The following C20orf96 variants were observed in gnomAD, a reference collection of about 807,000 sequenced individuals.
C20orf96 encodes the protein uncharacterized protein C20orf96.
In C20orf96, 57 loss-of-function variants were observed where a neutral mutation model predicts 52.6. The observed-to-expected ratio is 1.08, with a 90% CI of 0.88 to 1.35. The LOEUF (loss-of-function observed/expected upper bound fraction) is 1.35. Ranked by LOEUF, C20orf96 falls within the 40% of genes most tolerant of loss-of-function variation. The pLI, the probability that C20orf96 is intolerant of heterozygous loss-of-function variation, is 0.00. For missense variants in C20orf96, 478 were observed against 443.6 expected (o/e 1.08, Z -0.70); for synonymous variants, 168 against 157.2 (o/e 1.07, Z -0.51).
chr20:278,293 AG>A (rs1384371545), intron 6 of C20orf96, 36 bp downstream of exon 6: 4 of 1,494,716 alleles, frequency 2.7e-6, no homozygotes, highest in Non-Finnish European at 2.8e-6. Context: ...CCAAGGTGCC[AG>A]GGGGGAGGGT....
chr20:277,068 T>TTTC lies in C20orf96; in HGVS notation c.798_800dup (p.Lys268dup), dbSNP rs760062648. On this transcript the variant is annotated inframe_insertion, in exon 8 of 11. Transcript: ENST00000360321. ...CCGCCACCACAGAACTCAGAATTTT[T>TTTC]TTCTTCTTCTTCTGAATCTTGTCAG... 6.2e-7 allele frequency: 1 copy of TTTC among 1,613,490 alleles called. No individual in the cohort carries two copies. The highest frequency in any genetic ancestry group is 1.1e-5 in the South Asian group (1 of 91,044).
intron 10 of C20orf96, among the ~76,000 whole-genome samples, chr20:271,916 G>A (rs1160552376): frequency 6.6e-6 from 1 of 152,168 alleles, no homozygotes; most frequent in Non-Finnish European, 1.5e-5. Flanking sequence ...CCCCATTGCA[G>A]GGACCAGCAC....
intron 4 of C20orf96, among the ~76,000 whole-genome samples, chr20:281,282 A>G (rs886404574): frequency 2.0e-5 from 3 of 152,156 alleles, no homozygotes; most frequent in African/African-American, 4.8e-5. Flanking sequence ...TGAGCCCAGG[A>G]GTTTACGGCT....
At chr20:290,544 G>A (rs1223848555) in intron 1 of C20orf96, 47 bp downstream of exon 1, 1 of 1,591,624 alleles carries the variant, frequency 6.3e-7, no homozygotes, top group Admixed American at 1.7e-5. Context: ...GTACGCATGC[G>A]TATTCCGCCT....
At chr20:290,203 G>T in intron 2 of C20orf96, 56 bp downstream of exon 2, 1 of 1,362,330 alleles carries the variant, frequency 7.3e-7, no homozygotes, top group Non-Finnish European at 1.0e-6. Context: ...GTGGAGAGCA[G>T]GTGGACTGCA....
At position 290,703 on chromosome 20, in the gene C20orf96, T is replaced by A. The variant is rs2012525077; in HGVS notation, c.-93A>T. 2 of 1,529,490 alleles carry A rather than the reference T, an allele frequency of 1.3e-6. No homozygotes were observed. Among genetic ancestry groups the A allele is most frequent in the East Asian group, 4.5e-5 (2 of 43,982 alleles). 94.7% of individuals were successfully genotyped at this position (1,529,490 alleles called of 1,614,324 possible). A position where few individuals can be genotyped will look rare whatever the true frequency, so the allele number is the denominator to read the frequency against. On this transcript the variant is annotated 5_prime_UTR_variant, in exon 1 of 11. Coordinates refer to ENST00000360321, the MANE Select transcript of C20orf96 (RefSeq NM_153269.3). ...TCCAACTTCCTTGTCTCAGTGTAGA[T>A]CGCGCGGTAACCCAGGCCACTCAGA...
Position 283,991 on chromosome 20 carries a change from T to C in C20orf96, c.278A>G (p.Lys93Arg), listed in dbSNP as rs773918581. ...CATTAACCAGATTTTGGCATGCATC[T>C]TCCCAGGGTCCAACTTCCGCCTTCT... Reference protein sequence around the residue: ...LHRRRKLDPGKMHAKIWLMKT... With the variant: ...LHRRRKLDPGRMHAKIWLMKT... Residue 93 changes from lysine (K) to arginine (R), a missense_variant, in exon 4 of 11, where the codon AAG becomes AGG. By Grantham distance (26) the Lys-to-Arg change is conservative. Transcript: ENST00000360321. 3 of 1,614,016 alleles carry C rather than the reference T, an allele frequency of 1.9e-6. No individual in the cohort carries two copies. Among genetic ancestry groups the C allele is most frequent in the Admixed American group, 3.3e-5 (2 of 60,012 alleles).
chr20:279,334 C>A lies in C20orf96; in HGVS notation c.307-4G>T, dbSNP rs752249032. The A allele has an allele frequency of 6.3e-7, 1 of 1,594,706 alleles. No individual in the cohort carries two copies. Among genetic ancestry groups the A allele is most frequent in the Non-Finnish European group, 8.5e-7 (1 of 1,175,372 alleles). Reference sequence around the variant, plus strand: ...CCCTCCCGCTCCTGAGCGAGGTCTGCGGGCGGAGGGAAGAGCAGAGAGGCG... The same window carrying A: ...CCCTCCCGCTCCTGAGCGAGGTCTGAGGGCGGAGGGAAGAGCAGAGAGGCG... On this transcript the variant is annotated splice_polypyrimidine_tract_variant and splice_region_variant and intron_variant, in intron 4 of 10. Transcript: ENST00000360321.
chr20:282,776 G>A (rs149361484), intron 4 of C20orf96, among the ~76,000 whole-genome samples: 2,195 of 152,208 alleles, frequency 0.014, 38 homozygotes, highest in African/African-American at 0.048. Context: ...GGAGGCTGAG[G>A]CAGGAGACTC....
At chr20:277,491 G>C (rs2012070905) in intron 6 of C20orf96, 108 bp from the exon 7 acceptor site, 1 of 1,164,742 alleles carries the variant, frequency 8.6e-7, no homozygotes, top group Non-Finnish European at 1.2e-6. Flanking sequence ...AGTAACTGGG[G>C]TCTGGGCTGA....
intron 9 of C20orf96, chr20:276,338 G>A: frequency 1.0e-6 from 1 of 985,350 alleles, no homozygotes; most frequent in Middle Eastern, 5.2e-4. Flanking sequence ...AAAGTGGCGG[G>A]GAATGCTCAA....
chr20:282,006 T>C (rs1600188861), intron 4 of C20orf96, among the ~76,000 whole-genome samples: 2 of 152,154 alleles, frequency 1.3e-5, no homozygotes, highest in African/African-American at 4.8e-5. Context: ...ATTCAGTAAC[T>C]TATTCAAGGT....
intron 4 of C20orf96, among the ~76,000 whole-genome samples, chr20:283,422 G>A (rs1055318664): frequency 6.6e-6 from 1 of 151,940 alleles, no homozygotes; most frequent in African/African-American, 2.4e-5. Context: ...TCCTGCCTCA[G>A]CCTCCCGAGT....
chr20:284,597 T>C (rs60474486), intron 3 of C20orf96, among the ~76,000 whole-genome samples: 71,296 of 152,206 alleles, frequency 0.47, 17,037 homozygotes, highest in African/African-American at 0.56. Context: ...GGCTCACGCC[T>C]GTAATCTCAA....
chr20:275,833 G>A, intron 10 of C20orf96, 135 bp downstream of exon 10: 1 of 809,860 alleles, frequency 1.2e-6, no homozygotes, highest in South Asian at 1.5e-5. Context: ...GATCCAAGGT[G>A]GAAACCCAGG....
chr20:279,392 A>T (rs2012188067), intron 4 of C20orf96, 62 bp from the exon 5 acceptor site: 2 of 1,540,194 alleles, frequency 1.3e-6, no homozygotes, highest in African/African-American at 2.8e-5. Flanking sequence ...AGCCCCCGAA[A>T]GCCCGTGGAC....
chr20:279,491 G>A (rs998126165), intron 4 of C20orf96, among the ~76,000 whole-genome samples, 161 bp from the exon 5 acceptor site: 2 of 152,082 alleles, frequency 1.3e-5, no homozygotes, highest in East Asian at 1.9e-4. Flanking sequence ...CATTGTCTGC[G>A]CCGCCCGGGA....
intron 10 of C20orf96, among the ~76,000 whole-genome samples, chr20:275,462 G>A (rs1269597305): frequency 6.6e-6 from 1 of 152,204 alleles, no homozygotes. Flanking sequence ...ACATGGTCCT[G>A]TGGTGTCATC....
Position 290,588 on chromosome 20 carries a change from T to G in C20orf96, c.20+3A>C, listed in dbSNP as rs1329271062. 2.1e-6 allele frequency: 3 copies of G among 1,458,450 alleles called. No homozygotes were observed. Among genetic ancestry groups the G allele is most frequent in the Non-Finnish European group, 1.9e-6 (2 of 1,064,436 alleles). The allele number at this position is 1,458,450 out of a possible 1,614,324, so 90.3% of individuals were successfully genotyped here. ...ATTTTTTTTTTTTTTTTTTTTTACC[T>G]ACTTTTGTAAGACATGCGCCATTGG... On this transcript the variant is annotated splice_donor_region_variant and intron_variant, in intron 1 of 10. Coordinates refer to ENST00000360321, the MANE Select transcript of C20orf96 (RefSeq NM_153269.3).
Sources: gnomAD v4.1 joint callset for allele counts (sites outside exome capture counted in the v4.1 genomes callset) on GRCh38, gnomAD v4.1.1 for gene constraint, MANE v1.5 for transcripts, NCBI Gene and HGNC (gene_info 2026-07-23, HGNC 2026-07-21) for gene names.